EXD1: variants seen among roughly 807,000 people sequenced by gnomAD.
EXD1 encodes piRNA biogenesis protein EXD1.
In EXD1, 63 loss-of-function variants were observed where a neutral mutation model predicts 49.1. The ratio of observed to expected loss-of-function variants is 1.28; its 90% CI spans 1.05 to 1.58. The LOEUF (loss-of-function observed/expected upper bound fraction) is 1.58, where lower values mean the gene tolerates loss of function less well. Ranked by LOEUF, EXD1 falls within the 40% of genes most tolerant of loss-of-function variation. The probability of loss-of-function intolerance (pLI) is 0.00; values close to 1 mark genes in which losing one functional copy is unlikely to be tolerated. For missense variants in EXD1, 748 were observed against 666.0 expected (o/e 1.12, Z -1.36); for synonymous variants, 234 against 239.2 (o/e 0.98, Z 0.20).
rs1202320041 is a variant in EXD1, at chr15:41,230,668, C to T, written c.-243G>A. ...CGCCACCCGGCGGCGGTTATCAAAT[C>T]ACAGGCTGAAAACCTGGAGAAAGGT... On this transcript the variant is annotated 5_prime_UTR_variant, in exon 1 of 12. Transcript: ENST00000458580. 2.8e-6 allele frequency: 3 copies of T among 1,082,360 alleles called. No individual in the cohort carries two copies. The highest frequency in any genetic ancestry group is 2.7e-6 in the Non-Finnish European group (2 of 748,568). The allele number at this position is 1,082,360 out of a possible 1,614,324, so 67.0% of individuals were successfully genotyped here.
At chr15:41,222,327 A>G (rs1375808218) in intron 2 of EXD1, among the ~76,000 whole-genome samples, 1 of 152,128 alleles carries the variant, frequency 6.6e-6, no homozygotes, top group Non-Finnish European at 1.5e-5. Context: ...AGGCCGGAGA[A>G]TCACTTCAAC....
intron 6 of EXD1, among the ~76,000 whole-genome samples, chr15:41,212,390 G>T (rs1222961667): frequency 2.6e-5 from 4 of 152,076 alleles, no homozygotes; most frequent in Non-Finnish European, 4.4e-5. Context: ...GGGAGGCAGA[G>T]CTTGCAGTGA....
chr15:41,199,803 T>C (rs12903488), intron 7 of EXD1, among the ~76,000 whole-genome samples: 5 of 71,030 alleles, frequency 7.0e-5, no homozygotes, highest in Non-Finnish European at 1.3e-4. Flanking sequence ...TCATATATAT[T>C]ATATATGTCA....
chr15:41,211,601 T>C (rs552094151), intron 6 of EXD1, among the ~76,000 whole-genome samples: 1 of 151,940 alleles, frequency 6.6e-6, no homozygotes, highest in African/African-American at 2.4e-5. Flanking sequence ...GGAGGACAGA[T>C]TGCTTGAGCC....
intron 2 of EXD1, among the ~76,000 whole-genome samples, chr15:41,224,021 C>T (rs1453128877): frequency 1.3e-5 from 2 of 152,028 alleles, no homozygotes; most frequent in African/African-American, 4.8e-5. Flanking sequence ...CTCACTGCAA[C>T]CTCCGCCTCC....
intron 7 of EXD1, among the ~76,000 whole-genome samples, chr15:41,208,351 T>G (rs8026858): frequency 0.31 from 36,738 of 119,020 alleles, 6,686 homozygotes; most frequent in African/African-American, 0.55. Context: ...CTGGACAATA[T>G]AGGGAGAACT....
chr15:41,207,504 C>A (rs927980940), intron 7 of EXD1, among the ~76,000 whole-genome samples: 1 of 151,796 alleles, frequency 6.6e-6, no homozygotes, highest in African/African-American at 2.4e-5. Flanking sequence ...CGTGACACTA[C>A]ACTCCAGCCT....
intron 11 of EXD1, 41 bp from the exon 12 acceptor site, chr15:41,184,634 T>A (rs1447369082): frequency 1.3e-6 from 2 of 1,523,340 alleles, no homozygotes; most frequent in Non-Finnish European, 8.8e-7. Context: ...ATAACTAAAC[T>A]TCTGAATATG....
intron 3 of EXD1, among the ~76,000 whole-genome samples, chr15:41,218,143 G>A (rs1180876252): frequency 3.3e-5 from 5 of 152,028 alleles, no homozygotes; most frequent in African/African-American, 9.7e-5. Flanking sequence ...TCAGGAGTTC[G>A]AGACCAGCCT....
intron 1 of EXD1, among the ~76,000 whole-genome samples, chr15:41,226,905 A>G (rs1378523693): frequency 6.6e-6 from 1 of 152,216 alleles, no homozygotes; most frequent in Non-Finnish European, 1.5e-5. Flanking sequence ...GAAGAAGCAG[A>G]ACATTTAGAG....
chr15:41,184,255 G>A lies in EXD1; in HGVS notation c.1395C>T (p.Ser465=), dbSNP rs190768484. 6.2e-7 allele frequency: 1 copy of A among 1,614,138 alleles called. No homozygotes were observed. The highest frequency in any genetic ancestry group is 1.7e-5 in the Admixed American group (1 of 60,006). Residue 465 remains serine, a synonymous_variant, in exon 12 of 12, where the codon TCC becomes TCT. Transcript: ENST00000458580. The part of the protein sequence containing the change: ...PTEEGETSED[S]SNKLICTKSK... ...ACTTTGTGCAAATGAGTTTGTTACT[G>A]GAATCCTCACTGGTTTCCCCTTCCT...
chr15:41,197,083 C>T (rs2046625912), intron 7 of EXD1, among the ~76,000 whole-genome samples: 1 of 152,220 alleles, frequency 6.6e-6, no homozygotes, highest in African/African-American at 2.4e-5. Context: ...CCTTGGCCTT[C>T]CAAAATGCTG....
chr15:41,220,757 C>G (rs2047075778), intron 2 of EXD1, among the ~76,000 whole-genome samples: 1 of 152,152 alleles, frequency 6.6e-6, no homozygotes, highest in African/African-American at 2.4e-5. Context: ...TTTTCCACAC[C>G]TCTCAGCAGT....
chr15:41,226,358 C>T lies in EXD1; in HGVS notation c.133+85G>A, dbSNP rs147490880. 7.5e-5 allele frequency: 96 copies of T among 1,284,988 alleles called. No individual in the cohort carries two copies. In the African/African-American group the frequency reaches 1.3e-3, roughly 18 times the overall value. 79.6% of individuals were successfully genotyped at this position (1,284,988 alleles called of 1,614,324 possible). A position where few individuals can be genotyped will look rare whatever the true frequency, so the allele number is the denominator to read the frequency against. ...ACTTTACCTAAAATAGGAATAATGC[C>T]ACCCTCCCAATCACTAATGGAGCCC... is the stretch of plus-strand genomic sequence containing the variant. On this transcript the variant is annotated intron_variant, in intron 2 of 11. Transcript: ENST00000458580.
chr15:41,199,722 T>TTATATCTCA (rs1566980559), intron 7 of EXD1, among the ~76,000 whole-genome samples: 22 of 94,600 alleles, frequency 2.3e-4, no homozygotes, highest in African/African-American at 8.6e-4. Flanking sequence ...ATATGATATA[T>TTATATCTCA]TATATATGAT....
chr15:41,203,916 C>CAAAAA (rs1187093511), intron 7 of EXD1, among the ~76,000 whole-genome samples: 545 of 23,214 alleles, frequency 0.023, 66 homozygotes, highest in East Asian at 0.093. Context: ...GACTTCTCCT[C>CAAAAA]AAAAAAAAAA....
At chr15:41,202,197 CAG>C (rs1326168336) in intron 7 of EXD1, among the ~76,000 whole-genome samples, 1 of 150,778 alleles carries the variant, frequency 6.6e-6, no homozygotes, top group Non-Finnish European at 1.5e-5. Context: ...TTTTTTGAGA[CAG>C]AGTCTCACTC....
At chr15:41,198,582 G>A (rs1028005703) in intron 7 of EXD1, among the ~76,000 whole-genome samples, 2 of 152,002 alleles carry the variant, frequency 1.3e-5, no homozygotes, top group South Asian at 2.1e-4. Context: ...CCAGCTACTC[G>A]GGAGGCTGAG....
chr15:41,224,054 C>T (rs1487336841), intron 2 of EXD1, among the ~76,000 whole-genome samples: 1 of 151,888 alleles, frequency 6.6e-6, no homozygotes. Flanking sequence ...ATTCTCCTGC[C>T]TCAGTCTCCC....
Sources: gnomAD v4.1 joint callset for allele counts (sites outside exome capture counted in the v4.1 genomes callset) on GRCh38, gnomAD v4.1.1 for gene constraint, MANE v1.5 for transcripts, NCBI Gene and HGNC (gene_info 2026-07-23, HGNC 2026-07-21) for gene names.